ACOT11: variants seen among roughly 807,000 people sequenced by gnomAD.
The protein encoded by ACOT11 is acyl-CoA thioesterase 11.
Under a neutral mutation model 77.5 loss-of-function variants are expected in ACOT11, and 69 were observed. The observed-to-expected ratio is 0.89, with a 90% confidence interval of 0.73 to 1.09. ACOT11 has a LOEUF of 1.09. Ranked by LOEUF, ACOT11 falls within the 50% of genes least tolerant of loss-of-function variation. The probability of loss-of-function intolerance (pLI) is 0.00; values close to 1 mark genes in which losing one functional copy is unlikely to be tolerated. For missense variants in ACOT11, 766 were observed against 813.7 expected (o/e 0.94, Z 0.71); for synonymous variants, 279 against 313.0 (o/e 0.89, Z 1.15).
chr1:54,577,976 C>G (rs560514240), intron 1 of ACOT11, among the ~76,000 whole-genome samples: 2 of 152,318 alleles, frequency 1.3e-5, no homozygotes, highest in East Asian at 3.9e-4. Flanking sequence ...TCCTTAGGAT[C>G]CCTCTCGGGG....
At position 54,602,349 on chromosome 1, in the gene ACOT11, G is replaced by A. The variant is rs142247123; in HGVS notation, c.1030-320G>A. ...ACATGGAAAGCCCTTGAGAAGAGTG[G>A]CTGGTGTGTAGTGAGTGCTCAGTAA... On this transcript the variant is annotated intron_variant, in intron 9 of 15. Coordinates refer to ENST00000343744, the MANE Select transcript of ACOT11 (RefSeq NM_147161.4). Among the ~76,000 whole-genome samples, 4 of 152,352 alleles carry A rather than the reference G, an allele frequency of 2.6e-5. No individual in the cohort carries two copies. The East Asian group carries it at 7.7e-4, about 29-fold the overall frequency.
At chr1:54,589,227 G>C (rs1332183537) in intron 3 of ACOT11, among the ~76,000 whole-genome samples, 1 of 151,610 alleles carries the variant, frequency 6.6e-6, no homozygotes, top group Admixed American at 6.6e-5. Flanking sequence ...ATATTGATCA[G>C]GCTGGTCTTG....
intron 6 of ACOT11, 128 bp from the exon 7 acceptor site, chr1:54,597,131 G>A: frequency 8.2e-7 from 1 of 1,221,386 alleles, no homozygotes; most frequent in East Asian, 2.5e-5. Flanking sequence ...TGTGCACTCT[G>A]TGCTGAGTAA....
At chr1:54,599,207 T>TAC (rs1643932766) in intron 7 of ACOT11, 89 bp from the exon 8 acceptor site, 1 of 74,358 alleles carries the variant, frequency 1.3e-5, no homozygotes, top group Non-Finnish European at 2.7e-5. Flanking sequence ...TATATATATA[T>TAC]ATATATATAT....
At chr1:54,551,722 T>TTTTTG (rs563963526) in intron 1 of ACOT11, among the ~76,000 whole-genome samples, 25 of 145,726 alleles carry the variant, frequency 1.7e-4, no homozygotes, top group East Asian at 5.9e-4. Context: ...TTTGTTTTTG[T>TTTTTG]TTTTGTTTTG....
intron 1 of ACOT11, among the ~76,000 whole-genome samples, chr1:54,566,327 C>T (rs1028506818): frequency 6.6e-6 from 1 of 151,980 alleles, no homozygotes; most frequent in Non-Finnish European, 1.5e-5. Context: ...CATGGTGGCG[C>T]GTTCCTGTAA....
Position 54,623,306 on chromosome 1 carries a change from T to G in ACOT11, c.1630-7428T>G, listed in dbSNP as rs377638308. On this transcript the variant is annotated intron_variant, in intron 15 of 16. Transcript: ENST00000371316. ...GCCGCCGCAGGGTGATGGCAAGGAC[T>G]ATTGCGGCAATGACCACCACAGACA... is the stretch of plus-strand genomic sequence containing the variant. 17 of 1,614,062 alleles carry G rather than the reference T, an allele frequency of 1.1e-5. No homozygotes were observed. In the African/African-American group the frequency reaches 1.5e-4, roughly 14 times the overall value.
rs1412724923 is a variant in ACOT11 at position 54,609,060 on chromosome 1, A to C, written c.1733A>C (p.Gln578Pro). The C allele has an allele frequency of 1.2e-6, 2 of 1,614,130 alleles. No homozygotes were observed. The highest frequency in any genetic ancestry group is 3.3e-5 in the Admixed American group (2 of 60,018). ...EFYTTFKACE[Q>P]FLLDNRNDLA... is the part of the protein sequence containing the mutation. Reference sequence around the variant, plus strand: ...TACACCACCTTCAAGGCTTGTGAGCAGTTTCTCTTGGACAACCGGAATGAT... The same window carrying C: ...TACACCACCTTCAAGGCTTGTGAGCCGTTTCTCTTGGACAACCGGAATGAT... Residue 578 changes from glutamine (Q) to proline (P), a missense_variant, in exon 16 of 16, where the codon CAG (glutamine) becomes CCG (proline). Physicochemically the swap from Gln to Pro is moderately conservative, Grantham distance 76. Transcript: ENST00000343744.
rs771112727 is a variant in ACOT11 at position 54,585,845 on chromosome 1, C to T, written c.252C>T (p.His84=). ...DTTACLSAER[H]AGCPCVTASM... ...TTCTGCTGACACCAGCGGAGAGGCA[C>T]GCTGGCTGCCCCTGTGTCACAGCTT... Residue 84 remains histidine (H), a synonymous_variant, in exon 3 of 16, where the codon CAC becomes CAT. Transcript: ENST00000343744. 62 of 1,614,098 alleles carry T rather than the reference C, an allele frequency of 3.8e-5. No homozygotes were observed. Among genetic ancestry groups the T allele is most frequent in the South Asian group, 1.2e-4 (11 of 91,082 alleles).
At chr1:54,550,678 G>A (rs564732442) in intron 1 of ACOT11, among the ~76,000 whole-genome samples, 1 of 151,458 alleles carries the variant, frequency 6.6e-6, no homozygotes, top group Admixed American at 6.6e-5. Flanking sequence ...AAATAGCTGG[G>A]CATAGTGGTG....
chr1:54,605,773 A>G (rs1644017284), intron 13 of ACOT11, among the ~76,000 whole-genome samples: 1 of 152,152 alleles, frequency 6.6e-6, no homozygotes, highest in Admixed American at 6.5e-5. Flanking sequence ...TGTTCCTCCA[A>G]ATTTATTGAT....
intron 3 of ACOT11, among the ~76,000 whole-genome samples, chr1:54,588,359 G>A (rs1466762079): frequency 6.6e-6 from 1 of 152,206 alleles, no homozygotes; most frequent in Admixed American, 6.5e-5. Flanking sequence ...TTTTAATTAC[G>A]TTAACTTATT....
rs142910557 is a variant in ACOT11, at chr1:54,609,843, G to C, written c.*731G>C. ...GCCAGCTGCTGCAGGCAGGACTCCA[G>C]CGTCAGGATGTTGCCACTTGGAGTA... On this transcript the variant is annotated 3_prime_UTR_variant, in exon 16 of 16. Transcript: ENST00000343744. 36 of 1,614,004 alleles carry C rather than the reference G, an allele frequency of 2.2e-5. No homozygotes were observed. The African/African-American group carries it at 4.4e-4, about 20-fold the overall frequency.
chr1:54,623,663 A>G (rs1241641328), intron 15 of ACOT11: 7 of 358,790 alleles, frequency 2.0e-5, no homozygotes, highest in Non-Finnish European at 3.0e-5. Context: ...ACCTTTGAGC[A>G]CAGTAAGAGG....
At chr1:54,608,875 G>C in intron 15 of ACOT11, 82 bp from the exon 16 acceptor site, 3 of 1,398,652 alleles carry the variant, frequency 2.1e-6, no homozygotes, top group South Asian at 1.3e-5. Context: ...CTCACCACCA[G>C]CCTCGTGCCC....
At position 54,623,183 on chromosome 1, in the gene ACOT11, A is replaced by G. The variant is rs1462395629; in HGVS notation, c.1630-7551A>G. On this transcript the variant is annotated intron_variant, in intron 15 of 16. Transcript: ENST00000371316. ...CAAGAGCAAAACTCCGTCTAAAAAA[A>G]AAAAAGGGACTGGTCAGAGCTGTAA... 4 of 829,122 alleles carry G rather than the reference A, an allele frequency of 4.8e-6. No individual in the cohort carries two copies. In the South Asian group the frequency reaches 4.9e-5, roughly 10 times the overall value. The allele number at this position is 829,122 out of a possible 1,614,324, so 51.4% of individuals were successfully genotyped here.
intron 9 of ACOT11, among the ~76,000 whole-genome samples, chr1:54,601,958 C>T (rs950382817): frequency 7.2e-5 from 11 of 152,246 alleles, no homozygotes; most frequent in Non-Finnish European, 1.0e-4. Flanking sequence ...CCCTGTGCCT[C>T]CTGTGGGCCA....
In ACOT11 at chr1:54,582,490, A is replaced by T. The variant is rs1475424653; in HGVS notation, c.34-2165A>T. On this transcript the variant is annotated intron_variant, in intron 1 of 15. Transcript: ENST00000343744. Reference sequence around the variant, plus strand: ...GAACAAATGAACAAATGAACCAGTGAGCAAGGCACAGGTCCTGGCTCCCGT... The same window carrying T: ...GAACAAATGAACAAATGAACCAGTGTGCAAGGCACAGGTCCTGGCTCCCGT... 4 of 985,312 alleles carry T rather than the reference A, an allele frequency of 4.1e-6. No homozygotes were observed. The African/African-American group carries it at 7.0e-5, about 17-fold the overall frequency. 61.0% of individuals were successfully genotyped at this position (985,312 alleles called of 1,614,324 possible).
At position 54,584,211 on chromosome 1, in the gene ACOT11, C is replaced by G. The variant is rs542651500; in HGVS notation, c.34-444C>G. On this transcript the variant is annotated intron_variant, in intron 1 of 15. Coordinates refer to ENST00000343744, the MANE Select transcript of ACOT11 (RefSeq NM_147161.4). The surrounding 1 kb of genome is among the most constrained non-coding windows in gnomAD (Gnocchi z 6.3). ...GAGCCCTTTGGGGATGAAATCAGAG[C>G]GGCTTCTTGAAACACTGTATTAGGA... 1.8e-4 allele frequency among the ~76,000 whole-genome samples: 27 copies of G among 152,204 alleles called. No homozygotes were observed. Among genetic ancestry groups the G allele is most frequent in the Non-Finnish European group, 3.1e-4 (21 of 68,008 alleles).
Sources: allele counts gnomAD v4.1 joint callset (sites outside exome capture counted in the v4.1 genomes callset), GRCh38; gene constraint gnomAD v4.1.1; non-coding constraint Gnocchi (gnomAD v3.1); transcripts MANE v1.5; gene names NCBI Gene and HGNC (gene_info 2026-07-23, HGNC 2026-07-21).